Variants in MRPS6 observed in about 807,000 individuals in gnomAD.
The protein encoded by MRPS6 is small ribosomal subunit protein bS6m.
MRPS6 carries 6 observed loss-of-function variants against 13.1 expected under a neutral mutation model. That is an observed-to-expected ratio of 0.46 (90% CI 0.25 to 0.91). The LOEUF is 0.91. Among genes scored for constraint, MRPS6 ranks in the 40% least tolerant of loss-of-function variants. MRPS6 has a pLI of 0.18. For synonymous variants in MRPS6, 61 were observed against 56.5 expected, an observed-to-expected ratio of 1.08 and a Z score of -0.36; for missense variants, 164 against 155.6, an observed-to-expected ratio of 1.05 and a Z score of -0.29.
At chr21:34,097,012 T>C in intron 1 of MRPS6, 1 of 1,614,174 alleles carries the variant, frequency 6.2e-7, no homozygotes, top group Non-Finnish European at 8.5e-7. Flanking sequence ...GATGTTAATC[T>C]GTTGGTAACC....
chr21:34,134,989 A>G (rs552825774), intron 2 of MRPS6, among the ~76,000 whole-genome samples: 87 of 152,356 alleles, frequency 5.7e-4, no homozygotes, highest in Non-Finnish European at 6.8e-4. Context: ...AAATGCGTAT[A>G]TTGTAAGTTG....
intron 2 of MRPS6, among the ~76,000 whole-genome samples, chr21:34,133,841 A>G (rs1008615186): frequency 2.0e-5 from 3 of 152,322 alleles, no homozygotes; most frequent in Admixed American, 6.5e-5. Flanking sequence ...CCTGCTATAG[A>G]CTTCAGTGTG....
At chr21:34,128,078 G>T (rs1217591542) in intron 2 of MRPS6, among the ~76,000 whole-genome samples, 1 of 152,196 alleles carries the variant, frequency 6.6e-6, no homozygotes, top group African/African-American at 2.4e-5. Flanking sequence ...TCGTGTGTTT[G>T]TTGCTTTTAC....
At chr21:34,111,854 T>A (rs1464664793) in intron 1 of MRPS6, among the ~76,000 whole-genome samples, 1 of 152,052 alleles carries the variant, frequency 6.6e-6, no homozygotes, top group Non-Finnish European at 1.5e-5. Flanking sequence ...GGTTTTTTTT[T>A]TTTTTTGTTG....
chr21:34,107,928 TG>T (rs952345696), intron 1 of MRPS6, among the ~76,000 whole-genome samples: 2 of 152,210 alleles, frequency 1.3e-5, no homozygotes, highest in Non-Finnish European at 2.9e-5. Flanking sequence ...TACTCACTGC[TG>T]TAGGGGTATC....
chr21:34,133,929 G>A (rs1980596939), intron 2 of MRPS6, among the ~76,000 whole-genome samples: 1 of 152,206 alleles, frequency 6.6e-6, no homozygotes, highest in African/African-American at 2.4e-5. Context: ...AATAGTGAGT[G>A]AAAGAGCAAA....
chr21:34,106,970 C>T (rs185963474), intron 1 of MRPS6, among the ~76,000 whole-genome samples: 4 of 151,992 alleles, frequency 2.6e-5, no homozygotes, highest in Admixed American at 6.5e-5. Flanking sequence ...CTTGCTCTGT[C>T]GCCCAGGCTG....
At chr21:34,098,043 C>CGT (rs969350681) in intron 1 of MRPS6, 1 of 998,818 alleles carries the variant, frequency 1.0e-6, no homozygotes, top group African/African-American at 1.8e-5. Flanking sequence ...ACTGAAATGA[C>CGT]CAACAAGTCT....
intron 1 of MRPS6, chr21:34,098,096 T>C: frequency 2.0e-6 from 2 of 999,370 alleles, no homozygotes; most frequent in Non-Finnish European, 2.4e-6. Context: ...TAAATGATTA[T>C]GGGGGAGAAA....
At chr21:34,101,526 A>C (rs78729486) in intron 1 of MRPS6, 1 of 1,000,068 alleles carries the variant, frequency 1.0e-6, no homozygotes, top group Non-Finnish European at 1.2e-6. Context: ...CTATATGTGT[A>C]TATGCCCACT....
intron 1 of MRPS6, chr21:34,095,337 A>T (rs754020041): frequency 5.0e-6 from 8 of 1,614,102 alleles, no homozygotes; most frequent in Non-Finnish European, 6.8e-6. Flanking sequence ...GCGCTCTATG[A>T]CCTGGGTAGC....
At chr21:34,095,902 A>G (rs1324933432) in intron 1 of MRPS6, 1 of 1,614,074 alleles carries the variant, frequency 6.2e-7, no homozygotes, top group South Asian at 1.1e-5. Flanking sequence ...AACCTTTCCA[A>G]CACAAATTCT....
chr21:34,137,901 C>T (rs1980764569), intron 2 of MRPS6, among the ~76,000 whole-genome samples: 1 of 151,904 alleles, frequency 6.6e-6, no homozygotes, highest in East Asian at 1.9e-4. Context: ...ATTTGAATTA[C>T]ATTTTTTTTC....
At chr21:34,091,453 A>G (rs1988114359) in intron 1 of MRPS6, among the ~76,000 whole-genome samples, 1 of 152,174 alleles carries the variant, frequency 6.6e-6, no homozygotes, top group South Asian at 2.1e-4. Context: ...TTATATGGTC[A>G]CCCAGACAGT....
intron 1 of MRPS6, among the ~76,000 whole-genome samples, chr21:34,107,519 A>G (rs1470026969): frequency 6.6e-6 from 1 of 152,078 alleles, no homozygotes; most frequent in Non-Finnish European, 1.5e-5. Context: ...GATATTAAAA[A>G]CCATGTAAAT....
chr21:34,116,802 A>G (rs954505651), intron 1 of MRPS6, among the ~76,000 whole-genome samples: 1 of 152,148 alleles, frequency 6.6e-6, no homozygotes, highest in African/African-American at 2.4e-5. Context: ...CCCCCCTTTC[A>G]GAGAACCTCA....
At chr21:34,081,848 T>TA (rs938796542) in intron 1 of MRPS6, among the ~76,000 whole-genome samples, 1 of 152,190 alleles carries the variant, frequency 6.6e-6, no homozygotes, top group Non-Finnish European at 1.5e-5. Flanking sequence ...TAAAACTTAT[T>TA]ATATCTAAGT....
intron 1 of MRPS6, among the ~76,000 whole-genome samples, chr21:34,120,255 A>G (rs1015197555): frequency 1.3e-5 from 2 of 152,332 alleles, no homozygotes; most frequent in Admixed American, 6.5e-5. Context: ...CCTCCCACCC[A>G]TGCAGATATT....
At chr21:34,074,107 C>G (rs1406594344) in intron 1 of MRPS6, among the ~76,000 whole-genome samples, 3 of 148,272 alleles carry the variant, frequency 2.0e-5, no homozygotes, top group Admixed American at 2.0e-4. Context: ...GCGCGGGCGC[C>G]CAGCCCGACT....
Sources: gnomAD v4.1 joint callset for allele counts (sites outside exome capture counted in the v4.1 genomes callset) on GRCh38, gnomAD v4.1.1 for gene constraint, MANE v1.5 for transcripts, NCBI Gene and HGNC (gene_info 2026-07-23, HGNC 2026-07-21) for gene names.